PTPN3: variants seen among roughly 807,000 people sequenced by gnomAD.
The protein encoded by PTPN3 is protein tyrosine phosphatase non-receptor type 3, also known as tyrosine-protein phosphatase non-receptor type 3.
PTPN3 carries 96 observed loss-of-function variants against 132.7 expected under a neutral mutation model. The observed-to-expected ratio is 0.72, with a 90% CI of 0.61 to 0.86. PTPN3 has a LOEUF of 0.86. Among genes scored for constraint, PTPN3 ranks in the 40% least tolerant of loss-of-function variants. The pLI is 0.00. For synonymous variants in PTPN3, 398 were observed against 429.0 expected, an observed-to-expected ratio of 0.93 and a Z score of 0.89; for missense variants, 1,125 against 1,159.6, an observed-to-expected ratio of 0.97 and a Z score of 0.43.
intron 1 of PTPN3, among the ~76,000 whole-genome samples, chr9:109,473,896 AT>A (rs1201314391): frequency 6.8e-6 from 1 of 146,936 alleles, no homozygotes; most frequent in African/African-American, 2.5e-5. Context: ...TAAAAATTAG[AT>A]TGTGTTAGAA....
intron 25 of PTPN3, among the ~76,000 whole-genome samples, chr9:109,380,435 C>G (rs576426096): frequency 6.6e-6 from 1 of 152,192 alleles, no homozygotes; most frequent in African/African-American, 2.4e-5. Context: ...TTTGTATTTT[C>G]ATTAGAGACG....
intron 1 of PTPN3, among the ~76,000 whole-genome samples, chr9:109,492,615 C>T (rs888184945): frequency 1.3e-5 from 2 of 152,196 alleles, no homozygotes; most frequent in African/African-American, 2.4e-5. Flanking sequence ...CCTCATTTTA[C>T]AGGGTGGAAG....
At chr9:109,519,683 C>CTG in the PTPN3 span, among the ~76,000 whole-genome samples, 2 of 152,212 alleles carry the variant, frequency 1.3e-5, no homozygotes, top group Non-Finnish European at 2.9e-5. Context: ...TGCAGGGAGG[C>CTG]TGACCAGTGC....
the PTPN3 span, among the ~76,000 whole-genome samples, chr9:109,512,561 G>A: frequency 6.6e-6 from 1 of 152,338 alleles, no homozygotes; most frequent in African/African-American, 2.4e-5. Flanking sequence ...GGTAACACCT[G>A]CTTCCTGAAT....
At chr9:109,449,615 G>T (rs984626109) in intron 5 of PTPN3, 13 of 985,396 alleles carry the variant, frequency 1.3e-5, no homozygotes, top group Non-Finnish European at 1.6e-5. Context: ...GAAGCGCCCT[G>T]GGGAGACTTC....
chr9:109,389,172 C>A (rs908562371), intron 22 of PTPN3, 61 bp downstream of exon 22: 23 of 1,581,274 alleles, frequency 1.5e-5, no homozygotes, highest in Admixed American at 5.2e-5. Flanking sequence ...CGCTGAGATT[C>A]ATGTTACACA....
At chr9:109,453,121 A>G (rs1249060311) in intron 5 of PTPN3, among the ~76,000 whole-genome samples, 1 of 152,242 alleles carries the variant, frequency 6.6e-6, no homozygotes, top group Non-Finnish European at 1.5e-5. Context: ...GTAATAAAAA[A>G]TACAGTCAAA....
upstream of PTPN3, among the ~76,000 whole-genome samples, chr9:109,501,547 C>A (rs576475001): frequency 6.6e-6 from 1 of 152,148 alleles, no homozygotes; most frequent in African/African-American, 2.4e-5. Context: ...TAAAGTCTAT[C>A]CTTTTAAGCT....
the PTPN3 span, among the ~76,000 whole-genome samples, chr9:109,529,561 A>G: frequency 6.6e-6 from 1 of 152,210 alleles, no homozygotes; most frequent in Non-Finnish European, 1.5e-5. Context: ...TCTGTTCTCT[A>G]TCACTCAGAA....
At chr9:109,477,113 C>G (rs935362421) in intron 1 of PTPN3, among the ~76,000 whole-genome samples, 2 of 152,206 alleles carry the variant, frequency 1.3e-5, no homozygotes, top group Non-Finnish European at 2.9e-5. Context: ...ACACACCACC[C>G]ACTCTGAGTC....
intron 1 of PTPN3, among the ~76,000 whole-genome samples, chr9:109,475,423 T>C (rs989326531): frequency 6.6e-6 from 1 of 152,238 alleles, no homozygotes; most frequent in Non-Finnish European, 1.5e-5. Flanking sequence ...TGAGGGACTA[T>C]AACAAGCAAA....
intron 10 of PTPN3, among the ~76,000 whole-genome samples, chr9:109,431,432 T>A (rs748403871): frequency 3.9e-5 from 6 of 152,150 alleles, no homozygotes; most frequent in Non-Finnish European, 7.3e-5. Context: ...TGCAGAAAAA[T>A]GAGCCGTATG....
At position 109,377,396 on chromosome 9, in the gene PTPN3, AC is replaced by A. The variant is rs1838656474; in HGVS notation, c.*2159del. Reference sequence around the variant, plus strand: ...GGCAACACATCAAGATCCTGTCTCTACACACACACACACACACACACACACA... The same window carrying A: ...GGCAACACATCAAGATCCTGTCTCTAACACACACACACACACACACACACA... On this transcript the variant is annotated 3_prime_UTR_variant, in exon 26 of 26. Coordinates refer to ENST00000374541, the MANE Select transcript of PTPN3 (RefSeq NM_002829.4). The A allele has an allele frequency of 5.1e-4, 1 of 1,980 alleles. No individual in the cohort carries two copies. Among genetic ancestry groups the A allele is most frequent in the Admixed American group, 9.6e-3 (1 of 104 alleles). The allele number at this position is 1,980 out of a possible 1,614,324, so 0.1% of individuals were successfully genotyped here.
At chr9:109,449,749 A>C in intron 5 of PTPN3, 1 of 985,456 alleles carries the variant, frequency 1.0e-6, no homozygotes, top group South Asian at 4.7e-5. Context: ...ACCTCTTGAA[A>C]TCTAATATAG....
intron 14 of PTPN3, among the ~76,000 whole-genome samples, chr9:109,411,156 G>A (rs1319289457): frequency 9.2e-5 from 14 of 152,262 alleles, no homozygotes; most frequent in Non-Finnish European, 2.9e-5. Flanking sequence ...ATTTCACCAC[G>A]GCAGGAAGTC....
At chr9:109,408,497 G>C (rs1841760489) in intron 16 of PTPN3, 120 bp from the exon 17 acceptor site, 2 of 634,950 alleles carry the variant, frequency 3.1e-6, no homozygotes, top group Non-Finnish European at 5.3e-6. Flanking sequence ...GTGAGTCTTT[G>C]GTACAGGGAG....
chr9:109,484,074 C>A (rs185400170), intron 1 of PTPN3, among the ~76,000 whole-genome samples: 93 of 152,316 alleles, frequency 6.1e-4, no homozygotes, highest in Non-Finnish European at 8.8e-4. Context: ...TCTTTTGGTG[C>A]CTTTGACATC....
chr9:109,464,335 T>C (rs1845990924), intron 1 of PTPN3, among the ~76,000 whole-genome samples: 1 of 152,298 alleles, frequency 6.6e-6, no homozygotes, highest in Middle Eastern at 3.4e-3. Context: ...TACCAGCATC[T>C]TGTGGGAGCT....
At chr9:109,432,497 T>C (rs1037935266) in intron 10 of PTPN3, among the ~76,000 whole-genome samples, 4 of 152,146 alleles carry the variant, frequency 2.6e-5, no homozygotes, top group Non-Finnish European at 4.4e-5. Context: ...TTTGGTGGTG[T>C]TTCCCCTAAG....
Sources: allele counts gnomAD v4.1 joint callset (sites outside exome capture counted in the v4.1 genomes callset), GRCh38; gene constraint gnomAD v4.1.1; transcripts MANE v1.5; gene names NCBI Gene and HGNC (gene_info 2026-07-23, HGNC 2026-07-21).